The following GABBR2 variants were observed in gnomAD, a reference collection of about 807,000 sequenced individuals.
The protein encoded by GABBR2 is gamma-aminobutyric acid type B receptor subunit 2.
A neutral mutation model predicts 105.6 loss-of-function variants in GABBR2; 23 were observed. The observed-to-expected ratio is 0.22, with a 90% CI of 0.16 to 0.31. The LOEUF is 0.31. Among genes scored for constraint, GABBR2 ranks in the 10% least tolerant of loss-of-function variants. The pLI, the probability that GABBR2 is intolerant of heterozygous loss-of-function variation, is 1.00. For missense variants in GABBR2, 734 were observed against 1,245.5 expected (o/e 0.59, Z 6.18); for synonymous variants, 478 against 499.7 (o/e 0.96, Z 0.58).
intron 3 of GABBR2, among the ~76,000 whole-genome samples, chr9:98,512,513 C>A (rs972911127): frequency 6.6e-6 from 1 of 152,146 alleles, no homozygotes; most frequent in Admixed American, 6.5e-5. Context: ...AAAACCCCAT[C>A]GTCTCAGCCC....
At chr9:98,457,576 G>A (rs1050373364) in intron 6 of GABBR2, among the ~76,000 whole-genome samples, 1 of 152,148 alleles carries the variant, frequency 6.6e-6, no homozygotes, top group Non-Finnish European at 1.5e-5. Flanking sequence ...CGGGTACAAG[G>A]ATCAGGAGGA....
chr9:98,583,537 C>T (rs1253832760), intron 1 of GABBR2, among the ~76,000 whole-genome samples: 4 of 152,216 alleles, frequency 2.6e-5, no homozygotes, highest in Non-Finnish European at 5.9e-5. Context: ...TTGAAAACCA[C>T]CAATATGACC....
At chr9:98,705,788 G>T (rs1197824704) in intron 1 of GABBR2, among the ~76,000 whole-genome samples, 3 of 152,108 alleles carry the variant, frequency 2.0e-5, no homozygotes, top group African/African-American at 7.2e-5. Context: ...TAAAAATGAA[G>T]GAAGGGAGCT....
rs1830243819 is a variant in GABBR2, at chr9:98,288,973, A to T, written c.*1611T>A. ...AATAGGTTTCTTTAGGGAGTGAGCG[A>T]GCTGCTCAGTTGTGCAGACATCCTG... On this transcript the variant is annotated 3_prime_UTR_variant, in exon 19 of 19. Transcript: ENST00000259455. 6.6e-6 allele frequency: 1 copy of T among 152,652 alleles called. No homozygotes were observed. The highest frequency in any genetic ancestry group is 2.4e-5 in the African/African-American group (1 of 41,438). 9.5% of individuals were successfully genotyped at this position (152,652 alleles called of 1,614,324 possible).
At chr9:98,308,827 C>T (rs1046474712) in intron 14 of GABBR2, among the ~76,000 whole-genome samples, 2 of 152,230 alleles carry the variant, frequency 1.3e-5, no homozygotes, top group African/African-American at 4.8e-5. Context: ...GTTTTGTAAG[C>T]CACTGTTTTG....
chr9:98,642,286 C>T (rs912752778), intron 1 of GABBR2, among the ~76,000 whole-genome samples: 4 of 152,326 alleles, frequency 2.6e-5, no homozygotes, highest in South Asian at 2.1e-4. Flanking sequence ...GCCACTGAGG[C>T]CCACTGCCTC....
intron 3 of GABBR2, among the ~76,000 whole-genome samples, chr9:98,517,502 C>G (rs796187535): frequency 6.6e-5 from 10 of 152,298 alleles, no homozygotes; most frequent in African/African-American, 1.9e-4. Context: ...GAGCCCGAAA[C>G]GCAGCTGCTT....
In GABBR2 at chr9:98,546,953, T is replaced by C. The variant is rs1223744840; in HGVS notation, c.460-4910A>G. Among the ~76,000 whole-genome samples the C allele has an allele frequency of 1.7e-5, 2 of 120,926 alleles. 1 individual carries two copies. The highest frequency in any genetic ancestry group is 1.8e-4 in the Admixed American group (2 of 10,818). The allele number at this position is 120,926 out of a possible 152,430, so 79.3% of individuals were successfully genotyped here. On this transcript the variant is annotated intron_variant, in intron 2 of 18. Coordinates refer to ENST00000259455, the MANE Select transcript of GABBR2 (RefSeq NM_005458.8). ...TAAAGGGTTGACAACTTACTGAGGA[T>C]GGCCCTGTGTTGCACTGACACACGG...
Position 98,599,605 on chromosome 9 carries a change from A to C in GABBR2, c.322-21533T>G, listed in dbSNP as rs143959948. ...CCTTCAATCCCAGGCTGAGGGGGCC[A>C]CCTCTGTCCTACGGAGCATGTGGCC... On this transcript the variant is annotated intron_variant, in intron 1 of 18. Transcript: ENST00000259455. 2.0e-3 allele frequency among the ~76,000 whole-genome samples: 312 copies of C among 152,312 alleles called. 1 individual carries two copies. The highest frequency in any genetic ancestry group is 3.7e-3 in the South Asian group (18 of 4,818).
At chr9:98,432,434 G>C (rs10986244) in intron 7 of GABBR2, among the ~76,000 whole-genome samples, 7,174 of 152,202 alleles carry the variant, frequency 0.047, 297 homozygotes, top group East Asian at 0.19. Flanking sequence ...TGCAAACTTT[G>C]GTTCTAAAAA....
chr9:98,439,256 G>C (rs1825988674), intron 7 of GABBR2, among the ~76,000 whole-genome samples: 1 of 152,142 alleles, frequency 6.6e-6, no homozygotes, highest in Admixed American at 6.5e-5. Context: ...TTGCTCTATT[G>C]GAAAAGCTGC....
intron 3 of GABBR2, among the ~76,000 whole-genome samples, chr9:98,523,642 G>C (rs540662241): frequency 6.6e-6 from 1 of 152,296 alleles, no homozygotes; most frequent in South Asian, 2.1e-4. Context: ...AGGATGCTAG[G>C]AAGTGCAACC....
chr9:98,536,177 C>A (rs930240678), intron 3 of GABBR2, among the ~76,000 whole-genome samples: 3 of 152,100 alleles, frequency 2.0e-5, no homozygotes, highest in African/African-American at 7.2e-5. Flanking sequence ...AGCAGAGGCA[C>A]AAAGAGGCAA....
At chr9:98,495,709 C>T (rs1313174940) in intron 4 of GABBR2, among the ~76,000 whole-genome samples, 2 of 152,160 alleles carry the variant, frequency 1.3e-5, no homozygotes, top group Non-Finnish European at 2.9e-5. Flanking sequence ...TCCTCCTCCA[C>T]CAAATGTTGT....
At chr9:98,498,326 CAT>C (rs775195691) in intron 3 of GABBR2, among the ~76,000 whole-genome samples, 18 of 152,252 alleles carry the variant, frequency 1.2e-4, no homozygotes, top group Non-Finnish European at 1.6e-4. Flanking sequence ...GTTGCACAAA[CAT>C]GTGAACATAC....
intron 1 of GABBR2, among the ~76,000 whole-genome samples, chr9:98,684,811 G>A (rs1021687341): frequency 6.6e-6 from 1 of 152,148 alleles, no homozygotes; most frequent in Non-Finnish European, 1.5e-5. Flanking sequence ...TTTCGTCAGC[G>A]CAATGGACTC....
At chr9:98,379,059 G>T (rs375658759) in intron 11 of GABBR2, among the ~76,000 whole-genome samples, 2 of 152,096 alleles carry the variant, frequency 1.3e-5, no homozygotes, top group Non-Finnish European at 2.9e-5. Context: ...CAGAGGTCCC[G>T]TCTGTGTCAT....
chr9:98,350,139 T>C (rs1346197977), intron 13 of GABBR2, among the ~76,000 whole-genome samples: 1 of 151,500 alleles, frequency 6.6e-6, no homozygotes, highest in South Asian at 2.1e-4. Flanking sequence ...TTTTTTTTCT[T>C]GTTTAGTCTA....
At chr9:98,444,924 C>T (rs1028569149) in intron 7 of GABBR2, among the ~76,000 whole-genome samples, 6 of 152,180 alleles carry the variant, frequency 3.9e-5, no homozygotes, top group South Asian at 4.1e-4. Flanking sequence ...TGTGAATTAC[C>T]GCTACCAGGT....
Sources: allele counts gnomAD v4.1 joint callset (sites outside exome capture counted in the v4.1 genomes callset), GRCh38; gene constraint gnomAD v4.1.1; transcripts MANE v1.5; gene names NCBI Gene and HGNC (gene_info 2026-07-23, HGNC 2026-07-21).